Variants in UBA3 observed in about 807,000 individuals in gnomAD.
The protein encoded by UBA3 is NEDD8-activating enzyme E1 catalytic subunit.
UBA3 carries 26 observed loss-of-function variants against 73.5 expected under a neutral mutation model. The observed-to-expected ratio is 0.35, with a 90% CI of 0.26 to 0.49. The LOEUF (loss-of-function observed/expected upper bound fraction) is 0.49, where lower values mean the gene tolerates loss of function less well. Ranked by LOEUF, UBA3 falls within the 20% of genes least tolerant of loss-of-function variation. UBA3 has a pLI of 0.98. For missense variants in UBA3, 495 were observed against 555.6 expected, an observed-to-expected ratio of 0.89 and a Z score of 1.10; for synonymous variants, 217 against 191.2, an observed-to-expected ratio of 1.13 and a Z score of -1.11.
intron 7 of UBA3, 57 bp downstream of exon 7, chr3:69,064,011 T>C: frequency 6.9e-7 from 1 of 1,449,400 alleles, no homozygotes. Flanking sequence ...TTTGAATAGC[T>C]ACCAACTAAA....
chr3:69,057,362 C>G, intron 11 of UBA3, 53 bp from the exon 12 acceptor site: 2 of 1,498,026 alleles, frequency 1.3e-6, no homozygotes, highest in Non-Finnish European at 1.8e-6. Context: ...TAAAAGAGTT[C>G]TCTTAAATTA....
rs372032347 is a variant in UBA3, at chr3:69,055,884, G to A, written c.1270C>T (p.Arg424Ter). The A allele has an allele frequency of 3.7e-6, 6 of 1,612,502 alleles. No individual in the cohort carries two copies. Among genetic ancestry groups the A allele is most frequent in the Middle Eastern group, 1.7e-4 (1 of 5,898 alleles). The part of the protein sequence containing the change: ...YLQSVTSIEE[R>*]TRPNLSKTLK... The stretch of plus-strand genomic sequence containing the variant: ...GTTTTGGAGAGATTTGGCCTTGTTC[G>A]TTCTTCAATAGAGGTTACCGACTAG... Residue 424 changes from arginine to a stop codon, truncating the protein, a stop_gained, in exon 17 of 18, where the codon CGA (arginine) becomes TGA (stop). Coordinates refer to ENST00000361055, the MANE Select transcript of UBA3 (RefSeq NM_003968.4). LOFTEE classifies it high-confidence loss of function.
chr3:69,059,109 T>C (rs2092000465), intron 11 of UBA3, among the ~76,000 whole-genome samples: 1 of 152,210 alleles, frequency 6.6e-6, no homozygotes, highest in African/African-American at 2.4e-5. Flanking sequence ...AGTGATTTCA[T>C]TTTGATAGGG....
Position 69,077,924 on chromosome 3 carries a change from C to T in UBA3, c.63-6G>A, listed in dbSNP as rs1469812704. 1 of 1,612,928 alleles carries T rather than the reference C, an allele frequency of 6.2e-7. No homozygotes were observed. The highest frequency in any genetic ancestry group is 8.5e-7 in the Non-Finnish European group (1 of 1,179,752). ...ACCCACCATCAACAGCCATTCTGCA[C>T]AGAACACAGTAAATTCAGCTGCAAA... On this transcript the variant is annotated splice_region_variant and splice_polypyrimidine_tract_variant and intron_variant, in intron 2 of 17. Transcript: ENST00000361055.
rs1449676877 is a variant in UBA3, at chr3:69,063,110, C to T, written c.565G>A (p.Val189Ile). 1.9e-6 allele frequency: 3 copies of T among 1,613,962 alleles called. No homozygotes were observed. The highest frequency in any genetic ancestry group is 8.5e-7 in the Non-Finnish European group (1 of 1,179,952). The change falls in exon 9 of 18, where the codon GTC becomes ATC. Residue 189 changes from valine to isoleucine, a missense_variant. Physicochemically the swap from Val to Ile is conservative, Grantham distance 29. Coordinates refer to ENST00000361055, the MANE Select transcript of UBA3 (RefSeq NM_003968.4). Reference sequence around the variant, plus strand: ...GGGACAATGGAGCTTGGATCTAAGACACCATCTTCATAATTTAGAAGAGAT... The same window carrying T: ...GGGACAATGGAGCTTGGATCTAAGATACCATCTTCATAATTTAGAAGAGAT... ...LISLLNYEDG[V>I]LDPSSIVPLI... is the part of the protein sequence containing the mutation.
intron 11 of UBA3, among the ~76,000 whole-genome samples, chr3:69,060,941 T>C (rs1267726524): frequency 6.6e-6 from 1 of 152,206 alleles, no homozygotes; most frequent in African/African-American, 2.4e-5. Context: ...AGCAGATGCT[T>C]TTGCCATGCT....
intron 11 of UBA3, among the ~76,000 whole-genome samples, chr3:69,058,088 G>A (rs570199801): frequency 4.8e-4 from 73 of 151,872 alleles, no homozygotes; most frequent in South Asian, 1.5e-3. Flanking sequence ...CCGCCACCAC[G>A]CCTGGCTAAT....
At chr3:69,074,640 T>C (rs2092148867) in intron 4 of UBA3, among the ~76,000 whole-genome samples, 1 of 152,190 alleles carries the variant, frequency 6.6e-6, no homozygotes, top group African/African-American at 2.4e-5. Context: ...TTTCCACTTT[T>C]CTACACAGCA....
chr3:69,068,478 C>T (rs897566615), intron 5 of UBA3, among the ~76,000 whole-genome samples: 1 of 150,698 alleles, frequency 6.6e-6, no homozygotes, highest in Non-Finnish European at 1.5e-5. Flanking sequence ...ATTTTGTGTC[C>T]CCTAAGAAGC....
At chr3:69,078,494 GAC>G (rs2092188418) in intron 2 of UBA3, among the ~76,000 whole-genome samples, 3 of 151,538 alleles carry the variant, frequency 2.0e-5, no homozygotes, top group Admixed American at 2.0e-4. Flanking sequence ...CTTTTTTTGT[GAC>G]AGAGTCTCAC....
chr3:69,071,616 G>A lies in UBA3; in HGVS notation c.266C>T (p.Ala89Val). 6.5e-7 allele frequency: 1 copy of A among 1,534,020 alleles called. No individual in the cohort carries two copies. Among genetic ancestry groups the A allele is most frequent in the Non-Finnish European group, 8.7e-7 (1 of 1,149,610 alleles). ...ATGAATCTGTCTAAAACCAGACAAGGCCTGTGGGAATAAAAACAATCCAAT... is the reference window on the plus strand; with the variant it reads ...ATGAATCTGTCTAAAACCAGACAAGACCTGTGGGAATAAAAACAATCCAAT... ...GLGCELLKNLALSGFRQIHVI... is the reference protein window; with the variant it reads ...GLGCELLKNLVLSGFRQIHVI... The change falls in exon 5 of 18, where the codon GCC becomes GTC. Residue 89 changes from alanine (A) to valine (V), a missense_variant and splice_region_variant. Ala to Val is a moderately conservative substitution (Grantham distance 64). Coordinates refer to ENST00000361055, the MANE Select transcript of UBA3 (RefSeq NM_003968.4).
At chr3:69,072,984 A>G (rs1410710167) in intron 4 of UBA3, among the ~76,000 whole-genome samples, 2 of 152,112 alleles carry the variant, frequency 1.3e-5, no homozygotes, top group Admixed American at 6.5e-5. Context: ...ACCACATCCA[A>G]TGCTACCATC....
chr3:69,073,208 A>G (rs1227613656), intron 4 of UBA3, among the ~76,000 whole-genome samples: 2 of 152,076 alleles, frequency 1.3e-5, no homozygotes, highest in Non-Finnish European at 2.9e-5. Flanking sequence ...TAACCTCCAA[A>G]GTCTTTTGTG....
chr3:69,065,015 T>C (rs1037099433), intron 6 of UBA3, among the ~76,000 whole-genome samples: 4 of 152,130 alleles, frequency 2.6e-5, no homozygotes, highest in African/African-American at 9.7e-5. Context: ...ATTCTAGCCC[T>C]CAGTCATTCA....
chr3:69,058,540 A>G (rs2091996198), intron 11 of UBA3, among the ~76,000 whole-genome samples: 1 of 152,178 alleles, frequency 6.6e-6, no homozygotes, highest in African/African-American at 2.4e-5. Context: ...AGTTTTGGAG[A>G]AGAGGAAATT....
rs1051639899 is a variant in UBA3, at chr3:69,075,414, T to C, written c.264+16A>G. ...AAGAAGAAAAAAATATTTATATATA[T>C]ATGTATATATATTACCAGATTTTTC... On this transcript the variant is annotated intron_variant, in intron 4 of 17. Coordinates refer to ENST00000361055, the MANE Select transcript of UBA3 (RefSeq NM_003968.4). 1.0e-5 allele frequency: 13 copies of C among 1,254,388 alleles called. No homozygotes were observed. In the African/African-American group the frequency reaches 1.6e-4, roughly 15 times the overall value. 77.7% of individuals were successfully genotyped at this position (1,254,388 alleles called of 1,614,324 possible). A position where few individuals can be genotyped will look rare whatever the true frequency, so the allele number is the denominator to read the frequency against.
intron 4 of UBA3, among the ~76,000 whole-genome samples, chr3:69,074,533 G>A (rs1030374051): frequency 1.3e-5 from 2 of 152,150 alleles, no homozygotes; most frequent in Non-Finnish European, 2.9e-5. Flanking sequence ...AATTAATGTG[G>A]CTATGTTTAT....
chr3:69,073,667 G>A (rs552471597), intron 4 of UBA3, among the ~76,000 whole-genome samples: 10 of 146,082 alleles, frequency 6.8e-5, no homozygotes, highest in African/African-American at 1.8e-4. Flanking sequence ...ACGGAGTCTC[G>A]CTCTGTTGCC....
intron 1 of UBA3, 67 bp from the exon 2 acceptor site, chr3:69,080,220 C>T: frequency 1.3e-6 from 1 of 754,178 alleles, no homozygotes; most frequent in Non-Finnish European, 2.1e-6. Context: ...GGGAGGGGGG[C>T]GAGGGGACGG....
Sources: allele counts gnomAD v4.1 joint callset (sites outside exome capture counted in the v4.1 genomes callset), GRCh38; gene constraint gnomAD v4.1.1; transcripts MANE v1.5; gene names NCBI Gene and HGNC (gene_info 2026-07-23, HGNC 2026-07-21).